FGD3: variants seen among roughly 807,000 people sequenced by gnomAD.
FGD3 encodes the protein FYVE, RhoGEF and PH domain-containing protein 3.
In FGD3, 45 loss-of-function variants were observed where a neutral mutation model predicts 71.8. That is an observed-to-expected ratio of 0.63 (90% CI 0.49 to 0.80). FGD3 has a LOEUF of 0.80. FGD3 is among the 30% of genes least tolerant of loss of function. The probability of loss-of-function intolerance (pLI) is 0.00; values close to 1 mark genes in which losing one functional copy is unlikely to be tolerated. For missense variants in FGD3, 844 were observed against 951.5 expected (o/e 0.89, Z 1.49); for synonymous variants, 378 against 392.8 (o/e 0.96, Z 0.44).
chr9:93,009,699 C>T (rs966349753), intron 6 of FGD3, among the ~76,000 whole-genome samples: 4 of 152,294 alleles, frequency 2.6e-5, no homozygotes, highest in South Asian at 2.1e-4. Context: ...CACAGGGAGC[C>T]GGTGAGCAGA....
intron 10 of FGD3, among the ~76,000 whole-genome samples, chr9:93,017,393 T>G (rs1861742660): frequency 6.6e-6 from 1 of 152,238 alleles, no homozygotes; most frequent in Non-Finnish European, 1.5e-5. Context: ...TTGGTGGCAT[T>G]AAGCAAATGA....
chr9:92,972,592 T>C (rs1377304762), intron 1 of FGD3, among the ~76,000 whole-genome samples: 15 of 152,250 alleles, frequency 9.9e-5, no homozygotes, highest in Admixed American at 9.8e-4. Flanking sequence ...AAGTTTTAAC[T>C]ACAAGGATTT....
intron 1 of FGD3, among the ~76,000 whole-genome samples, chr9:92,966,827 C>T (rs560312425): frequency 1.3e-5 from 2 of 152,372 alleles, no homozygotes; most frequent in East Asian, 1.9e-4. Context: ...CCTTGCCCTT[C>T]GCACCTTGTC....
intron 9 of FGD3, 137 bp downstream of exon 9, chr9:93,014,135 T>C: frequency 8.8e-7 from 1 of 1,132,956 alleles, no homozygotes; most frequent in South Asian, 1.8e-5. Context: ...TGTGGCTCCC[T>C]CTGAGACCCT....
intron 1 of FGD3, among the ~76,000 whole-genome samples, chr9:92,950,414 A>G (rs1302399732): frequency 6.7e-6 from 1 of 149,520 alleles, no homozygotes; most frequent in Non-Finnish European, 1.5e-5. Context: ...GCAAGATTCC[A>G]TCTCAAAAAA....
chr9:92,997,152 G>C (rs569579076), intron 3 of FGD3, among the ~76,000 whole-genome samples: 12 of 152,232 alleles, frequency 7.9e-5, no homozygotes, highest in Admixed American at 5.9e-4. Context: ...TATGAATATG[G>C]GTGCTCCTGT....
chr9:92,954,965 T>C (rs771473579), intron 1 of FGD3, among the ~76,000 whole-genome samples: 12 of 152,142 alleles, frequency 7.9e-5, no homozygotes, highest in Non-Finnish European at 1.6e-4. Context: ...ACGGTCTGCC[T>C]GGAGAGTGAT....
At position 93,016,228 on chromosome 9, in the gene FGD3, C is replaced by T. The variant is rs532105095; in HGVS notation, c.1275+399C>T. Among the ~76,000 whole-genome samples the T allele has an allele frequency of 4.5e-4, 69 of 152,138 alleles. 1 individual carries two copies. The South Asian group carries it at 9.6e-3, about 21-fold the overall frequency. ...GAGCAATCCTGGCTGGGGCGGGGGCCGGCTTCCCTTGTCTGGTTCCTGGGT... is the reference window on the plus strand; with the variant it reads ...GAGCAATCCTGGCTGGGGCGGGGGCTGGCTTCCCTTGTCTGGTTCCTGGGT... On this transcript the variant is annotated intron_variant, in intron 10 of 17. Coordinates refer to ENST00000375482, the MANE Select transcript of FGD3 (RefSeq NM_001083536.2).
intron 1 of FGD3, among the ~76,000 whole-genome samples, chr9:92,956,257 C>A (rs1859048828): frequency 6.6e-6 from 1 of 152,162 alleles, no homozygotes; most frequent in Non-Finnish European, 1.5e-5. Flanking sequence ...TGTTTTATTG[C>A]ACTGGCTAGA....
At chr9:92,953,674 C>G (rs1001886339) in intron 1 of FGD3, among the ~76,000 whole-genome samples, 3 of 152,190 alleles carry the variant, frequency 2.0e-5, no homozygotes, top group Non-Finnish European at 4.4e-5. Flanking sequence ...CTTGTCCACT[C>G]TCCCAGCTGC....
intron 13 of FGD3, among the ~76,000 whole-genome samples, chr9:93,020,740 T>C (rs1031065604): frequency 6.6e-5 from 10 of 152,296 alleles, no homozygotes; most frequent in Middle Eastern, 6.8e-3. Context: ...AAAAGGAAAG[T>C]GAGGCACAGA....
intron 14 of FGD3, among the ~76,000 whole-genome samples, chr9:93,024,299 G>A (rs1039777084): frequency 6.6e-6 from 1 of 152,220 alleles, no homozygotes; most frequent in South Asian, 2.1e-4. Context: ...CAGTGGGGAC[G>A]TGACAGCCCA....
intron 3 of FGD3, among the ~76,000 whole-genome samples, chr9:92,996,464 G>T (rs1860648950): frequency 1.3e-5 from 2 of 151,984 alleles, no homozygotes; most frequent in Non-Finnish European, 2.9e-5. Flanking sequence ...GGTTTTTTGT[G>T]TCTCTGTCTC....
chr9:93,018,333 C>T, intron 11 of FGD3, 118 bp downstream of exon 11: 1 of 923,042 alleles, frequency 1.1e-6, no homozygotes, highest in Non-Finnish European at 1.6e-6. Context: ...AGTACTGTTA[C>T]TGAAGCACCA....
At chr9:92,962,537 T>C (rs183174686) in intron 1 of FGD3, among the ~76,000 whole-genome samples, 15 of 152,324 alleles carry the variant, frequency 9.8e-5, no homozygotes, top group African/African-American at 3.4e-4. Context: ...TGTTGGTGGC[T>C]GGGATCCCTT....
At chr9:92,980,444 T>C (rs764672095) in intron 3 of FGD3, among the ~76,000 whole-genome samples, 67 of 152,348 alleles carry the variant, frequency 4.4e-4, no homozygotes, top group Non-Finnish European at 8.2e-4. Context: ...ACCTAATGTA[T>C]ATAGATATCT....
At chr9:93,032,468 G>A (rs1862391825) in intron 15 of FGD3, 1 of 320,928 alleles carries the variant, frequency 3.1e-6, no homozygotes, top group South Asian at 6.6e-5. Flanking sequence ...GCCAGTGATG[G>A]GGCATCTTCC....
intron 16 of FGD3, chr9:93,033,387 C>T (rs1237385208): frequency 5.5e-6 from 1 of 182,958 alleles, no homozygotes; most frequent in Admixed American, 5.9e-5. Flanking sequence ...CCCTCCGCCT[C>T]GCTGTCTTTC....
At chr9:93,012,698 G>A (rs567958182) in intron 8 of FGD3, among the ~76,000 whole-genome samples, 2 of 138,718 alleles carry the variant, frequency 1.4e-5, no homozygotes, top group East Asian at 2.2e-4. Context: ...GGGGTGTGGG[G>A]GGGGGAAGAA....
Sources: gnomAD v4.1 joint callset for allele counts (sites outside exome capture counted in the v4.1 genomes callset) on GRCh38, gnomAD v4.1.1 for gene constraint, MANE v1.5 for transcripts, NCBI Gene and HGNC (gene_info 2026-07-23, HGNC 2026-07-21) for gene names.